The following MBD5 variants were observed in gnomAD, a reference collection of about 807,000 sequenced individuals.
MBD5 encodes methyl-CpG binding domain protein 5.
In MBD5, 13 loss-of-function variants were observed where a neutral mutation model predicts 117.3. The ratio of observed to expected loss-of-function variants is 0.11; its 90% CI spans 0.07 to 0.18. The LOEUF is 0.18. Among genes scored for constraint, MBD5 ranks in the 10% least tolerant of loss-of-function variants. The pLI, the probability that MBD5 is intolerant of heterozygous loss-of-function variation, is 1.00. For synonymous variants in MBD5, 727 were observed against 766.4 expected, an observed-to-expected ratio of 0.95 and a Z score of 0.85; for missense variants, 1,879 against 2,093.8, an observed-to-expected ratio of 0.90 and a Z score of 2.00.
intron 1 of MBD5, among the ~76,000 whole-genome samples, chr2:148,142,284 A>G (rs1453515896): frequency 6.6e-6 from 1 of 152,172 alleles, no homozygotes; most frequent in East Asian, 1.9e-4. Flanking sequence ...ATAAATACCC[A>G]CACTCAGGAA....
intron 2 of MBD5, among the ~76,000 whole-genome samples, chr2:148,186,245 G>C (rs1363085183): frequency 1.3e-5 from 2 of 152,198 alleles, no homozygotes; most frequent in Non-Finnish European, 1.5e-5. Flanking sequence ...AGTCTCATGA[G>C]ATCTGGTGGT....
intron 1 of MBD5, among the ~76,000 whole-genome samples, chr2:148,163,011 C>T (rs1698044982): frequency 6.6e-6 from 1 of 152,158 alleles, no homozygotes; most frequent in Admixed American, 6.5e-5. Flanking sequence ...AGTATTAAGA[C>T]AATCCACTTT....
intron 4 of MBD5, among the ~76,000 whole-genome samples, chr2:148,453,800 A>G (rs1377974386): frequency 6.6e-6 from 1 of 152,060 alleles, no homozygotes; most frequent in Non-Finnish European, 1.5e-5. Context: ...TATCAGAATC[A>G]TGGAGGCAAG....
At chr2:148,319,749 CTA>C (rs1702239927) in intron 3 of MBD5, among the ~76,000 whole-genome samples, 1 of 152,014 alleles carries the variant, frequency 6.6e-6, no homozygotes, top group African/African-American at 2.4e-5. Context: ...TTTTATTTTT[CTA>C]TGTTTCCTGA....
intron 11 of MBD5, among the ~76,000 whole-genome samples, chr2:148,502,168 A>G (rs957522702): frequency 2.0e-5 from 3 of 152,246 alleles, no homozygotes; most frequent in African/African-American, 7.2e-5. Flanking sequence ...AAGGTTGTTT[A>G]AATTCCAGAT....
At chr2:148,416,472 C>T (rs1328584638) in intron 4 of MBD5, among the ~76,000 whole-genome samples, 1 of 152,112 alleles carries the variant, frequency 6.6e-6, no homozygotes, top group Non-Finnish European at 1.5e-5. Flanking sequence ...CAGCAGGTTG[C>T]ACACACATCA....
chr2:148,371,878 G>A (rs1200132322), intron 4 of MBD5, among the ~76,000 whole-genome samples: 1 of 152,026 alleles, frequency 6.6e-6, no homozygotes, highest in Non-Finnish European at 1.5e-5. Context: ...AGTCACCCTT[G>A]ATATTGGTGA....
intron 4 of MBD5, among the ~76,000 whole-genome samples, chr2:148,434,039 G>T (rs1372987199): frequency 6.6e-6 from 1 of 151,752 alleles, no homozygotes; most frequent in Non-Finnish European, 1.5e-5. Context: ...CTGGTTGGTA[G>T]GCTTTTTATT....
chr2:148,438,242 G>A (rs80153330), intron 4 of MBD5, among the ~76,000 whole-genome samples: 5,479 of 152,196 alleles, frequency 0.036, 122 homozygotes, highest in Non-Finnish European at 0.055. Flanking sequence ...GAGATTTTTT[G>A]TATTTTTCAT....
intron 4 of MBD5, among the ~76,000 whole-genome samples, chr2:148,443,884 A>T (rs949915921): frequency 1.3e-5 from 2 of 151,346 alleles, no homozygotes; most frequent in Non-Finnish European, 2.9e-5. Flanking sequence ...ATTTTAAAAT[A>T]ACTGAAAGTA....
At chr2:148,470,635 G>C in intron 8 of MBD5, 174 bp downstream of exon 8, 1 of 585,022 alleles carries the variant, frequency 1.7e-6, no homozygotes, top group South Asian at 2.8e-5. Context: ...TTTGTCTATT[G>C]GGAAGATTAA....
intron 1 of MBD5, among the ~76,000 whole-genome samples, chr2:148,127,037 G>T (rs1416705670): frequency 6.8e-6 from 1 of 146,586 alleles, no homozygotes; most frequent in Non-Finnish European, 1.5e-5. Flanking sequence ...AGTGCGTGGC[G>T]CGATCTCGGC....
rs539290429 is a variant in MBD5 at position 148,071,471 on chromosome 2, A to T, written c.-925+49787A>T. Reference sequence around the variant, plus strand: ...TGAAATAACTACTATTTTTATCCCCATTTTTGAGATGAGAAAAGTGACTTC... The same window carrying T: ...TGAAATAACTACTATTTTTATCCCCTTTTTTGAGATGAGAAAAGTGACTTC... On this transcript the variant is annotated intron_variant, in intron 1 of 13. Coordinates refer to ENST00000642680, the MANE Select transcript of MBD5 (RefSeq NM_001378120.1). 7 of 152,122 alleles carry T rather than the reference A, an allele frequency of 4.6e-5. No individual in the cohort carries two copies. In the East Asian group the frequency reaches 1.3e-3, roughly 29 times the overall value. The allele number at this position is 152,122 out of a possible 1,614,324, so 9.4% of individuals were successfully genotyped here.
intron 1 of MBD5, among the ~76,000 whole-genome samples, chr2:148,082,554 T>C (rs1254969794): frequency 6.6e-6 from 1 of 152,224 alleles, no homozygotes; most frequent in African/African-American, 2.4e-5. Context: ...ATCAGATATT[T>C]ACTGAGTCAC....
At chr2:148,218,404 A>G (rs368974856) in intron 2 of MBD5, among the ~76,000 whole-genome samples, 1 of 152,206 alleles carries the variant, frequency 6.6e-6, no homozygotes, top group African/African-American at 2.4e-5. Context: ...AATGTCTGCT[A>G]TTATTCAATT....
chr2:148,368,492 A>T lies in MBD5; in HGVS notation c.-557+26156A>T, dbSNP rs73015159. Reference sequence around the variant, plus strand: ...TATTAAAAAAAATAAAAACTTTTTTAAAATAAATAAAAACAAAAAATATTT... The same window carrying T: ...TATTAAAAAAAATAAAAACTTTTTTTAAATAAATAAAAACAAAAAATATTT... On this transcript the variant is annotated intron_variant, in intron 4 of 13. Coordinates refer to ENST00000642680, the MANE Select transcript of MBD5 (RefSeq NM_001378120.1). 4.1e-3 allele frequency among the ~76,000 whole-genome samples: 628 copies of T among 152,286 alleles called. 6 individuals are homozygous for T. The highest frequency in any genetic ancestry group is 0.014 in the African/African-American group (587 of 41,564).
At chr2:148,201,275 T>C (rs569773514) in intron 2 of MBD5, among the ~76,000 whole-genome samples, 1 of 152,282 alleles carries the variant, frequency 6.6e-6, no homozygotes, top group East Asian at 1.9e-4. Context: ...AAGAGTGGGC[T>C]CCACATGGGG....
At chr2:148,123,953 A>C (rs1159995734) in intron 1 of MBD5, among the ~76,000 whole-genome samples, 1 of 152,200 alleles carries the variant, frequency 6.6e-6, no homozygotes, top group Non-Finnish European at 1.5e-5. Flanking sequence ...TTTTTAAAAG[A>C]AACTTTAATT....
rs758290693 is a variant in MBD5 at position 148,438,068 on chromosome 2, T to A, written c.-556-20135T>A. Among the ~76,000 whole-genome samples, 9 of 152,298 alleles carry A rather than the reference T, an allele frequency of 5.9e-5. No homozygotes were observed. The South Asian group carries it at 6.2e-4, about 11-fold the overall frequency. On this transcript the variant is annotated intron_variant, in intron 4 of 13. Transcript: ENST00000642680. The stretch of plus-strand genomic sequence containing the variant: ...CTTGTGATAATGTACTTTCGTGGAG[T>A]CAAATTTGCAATAAATGCATAAAAT...
Sources: gnomAD v4.1 joint callset for allele counts (sites outside exome capture counted in the v4.1 genomes callset) on GRCh38, gnomAD v4.1.1 for gene constraint, MANE v1.5 for transcripts, NCBI Gene and HGNC (gene_info 2026-07-23, HGNC 2026-07-21) for gene names.